The following ACAN variants were observed in gnomAD, a reference collection of about 807,000 sequenced individuals.
ACAN encodes aggrecan, also known as aggrecan core protein.
Under a neutral mutation model 169.1 loss-of-function variants are expected in ACAN, and 47 were observed. That is an observed-to-expected ratio of 0.28 (90% CI 0.22 to 0.35). The LOEUF (loss-of-function observed/expected upper bound fraction) is 0.35. Among genes scored for constraint, ACAN ranks in the 10% least tolerant of loss-of-function variants. The probability of loss-of-function intolerance (pLI) is 1.00; values close to 1 mark genes in which losing one functional copy is unlikely to be tolerated. For missense variants in ACAN, 2,716 were observed against 2,759.9 expected (o/e 0.98, Z 0.36); for synonymous variants, 1,115 against 1,112.2 (o/e 1.00, Z -0.05).
chr15:88,825,675 G>A (rs1017369407), intron 1 of ACAN, among the ~76,000 whole-genome samples: 1 of 152,190 alleles, frequency 6.6e-6, no homozygotes, highest in Non-Finnish European at 1.5e-5. Flanking sequence ...TTACTAGCAG[G>A]GACATAGATC....
rs748852727 is a variant in ACAN at position 88,855,510 on chromosome 15, G to A, written c.2925G>A (p.Gly975=). The change falls in exon 12 of 19, where the codon GGG becomes GGA. Residue 975 remains glycine, a synonymous_variant. Coordinates refer to ENST00000560601, the MANE Select transcript of ACAN (RefSeq NM_001369268.1). ...CCTCTGGAGTAGGAGACCTCAGTGG[G>A]CTTCCTTCTGGAGAAGTTCTAGAGA... ...TSASGVGDLS[G]LPSGEVLETT... The A allele has an allele frequency of 6.2e-7, 1 of 1,613,488 alleles. No individual in the cohort carries two copies. Among genetic ancestry groups the A allele is most frequent in the South Asian group, 1.1e-5 (1 of 91,008 alleles).
Position 88,845,649 on chromosome 15 carries a change from T to G in ACAN, c.1196T>G (p.Leu399Arg). 1.9e-6 allele frequency: 3 copies of G among 1,614,052 alleles called. No individual in the cohort carries two copies. The highest frequency in any genetic ancestry group is 2.5e-6 in the Non-Finnish European group (3 of 1,179,900). Residue 399 changes from leucine (L) to arginine (R), a missense_variant, in exon 7 of 19, where the codon CTT becomes CGT. Leu to Arg is a moderately radical substitution (Grantham distance 102). Coordinates refer to ENST00000560601, the MANE Select transcript of ACAN (RefSeq NM_001369268.1). Reference protein sequence around the residue: ...TEGEARGSVILTVKPIFEVSP... With the variant: ...TEGEARGSVIRTVKPIFEVSP... ...GGTGAAGCCCGAGGCAGCGTGATCC[T>G]TACCGTAAAGCCCATCTTCGAGGTC...
In ACAN at chr15:88,872,788, G is replaced by T. The variant is rs1897412077; in HGVS notation, c.7303-93G>T. On this transcript the variant is annotated intron_variant, in intron 16 of 18. Transcript: ENST00000560601. The surrounding 1 kb of genome is among the most constrained non-coding windows in gnomAD (Gnocchi z 5.4). ...GAAGTTGGTGCTAAAAGAGAAAGGA[G>T]ATGATGAAGAGGCTCCACGGGGAAG... The T allele has an allele frequency of 7.0e-7, 1 of 1,433,378 alleles. No individual in the cohort carries two copies. The highest frequency in any genetic ancestry group is 2.1e-5 in the Admixed American group (1 of 48,072). The allele number at this position is 1,433,378 out of a possible 1,614,324, so 88.8% of individuals were successfully genotyped here.
rs546886907 is a variant in ACAN, at chr15:88,851,028, G to C, written c.2027-766G>C. ...TCCCAGAGGCTTTGATGAGGCTCTT[G>C]TCCCAGTGCCCCTTCCCTGCTCTGG... On this transcript the variant is annotated intron_variant, in intron 10 of 18. Transcript: ENST00000560601. This position sits in a 1 kb window ranked among gnomAD's most constrained non-coding sequence, Gnocchi z 4.3. 1 of 151,586 alleles carries C rather than the reference G, an allele frequency of 6.6e-6. No individual in the cohort carries two copies. Among genetic ancestry groups the C allele is most frequent in the South Asian group, 2.1e-4 (1 of 4,776 alleles). 9.4% of individuals were successfully genotyped at this position (151,586 alleles called of 1,614,324 possible).
chr15:88,817,258 C>T (rs1293329196), intron 1 of ACAN, among the ~76,000 whole-genome samples: 3 of 152,132 alleles, frequency 2.0e-5, no homozygotes, highest in Admixed American at 6.5e-5. Flanking sequence ...TCTTCTGCCT[C>T]GGCCTCCAGA....
chr15:88,828,316 C>T (rs7174219), intron 1 of ACAN, among the ~76,000 whole-genome samples: 97,251 of 151,978 alleles, frequency 0.64, 31,672 homozygotes, highest in Middle Eastern at 0.77. Context: ...AAGACCCATG[C>T]CACATCGGCA....
chr15:88,860,751 C>T (rs1299882589), intron 13 of ACAN, among the ~76,000 whole-genome samples: 4 of 152,158 alleles, frequency 2.6e-5, no homozygotes, highest in East Asian at 1.9e-4. Flanking sequence ...AAAGAAATAT[C>T]GAGCATGGGG....
intron 1 of ACAN, among the ~76,000 whole-genome samples, chr15:88,829,285 G>T (rs1401171893): frequency 6.6e-6 from 1 of 152,222 alleles, no homozygotes; most frequent in African/African-American, 2.4e-5. Context: ...CCCTGGGGGT[G>T]ATGCTTGCAT....
At position 88,872,798 on chromosome 15, in the gene ACAN, A is replaced by C; in HGVS notation, c.7303-83A>C. ...CTAAAAGAGAAAGGAGATGATGAAGAGGCTCCACGGGGAAGACAGTCGGAG... is the reference window on the plus strand; with the variant it reads ...CTAAAAGAGAAAGGAGATGATGAAGCGGCTCCACGGGGAAGACAGTCGGAG... On this transcript the variant is annotated intron_variant, in intron 16 of 18. Transcript: ENST00000560601. The surrounding 1 kb of genome is among the most constrained non-coding windows in gnomAD (Gnocchi z 5.4). The C allele has an allele frequency of 6.8e-7, 1 of 1,478,700 alleles. No homozygotes were observed. The highest frequency in any genetic ancestry group is 1.3e-5 in the South Asian group (1 of 77,464). 91.6% of individuals were successfully genotyped at this position (1,478,700 alleles called of 1,614,324 possible).
In ACAN at chr15:88,833,495, G is replaced by A. The variant is rs578101412; in HGVS notation, c.-7-2705G>A. Among the ~76,000 whole-genome samples, 13 of 152,162 alleles carry A rather than the reference G, an allele frequency of 8.5e-5. No homozygotes were observed. The South Asian group carries it at 1.2e-3, about 15-fold the overall frequency. On this transcript the variant is annotated intron_variant, in intron 1 of 18. Transcript: ENST00000560601. ...GAAAGGCCTCCCTGTTGACAGGGCCGTGCTGGGACTCAGGGCTGCCAAAGT... is the reference window on the plus strand; with the variant it reads ...GAAAGGCCTCCCTGTTGACAGGGCCATGCTGGGACTCAGGGCTGCCAAAGT...
Position 88,839,945 on chromosome 15 carries a change from G to T in ACAN, c.455-67G>T. 11 of 1,535,380 alleles carry T rather than the reference G, an allele frequency of 7.2e-6. No homozygotes were observed. The highest frequency in any genetic ancestry group is 9.7e-6 in the Non-Finnish European group (11 of 1,133,068). On this transcript the variant is annotated intron_variant, in intron 3 of 18. Coordinates refer to ENST00000560601, the MANE Select transcript of ACAN (RefSeq NM_001369268.1). This position sits in a 1 kb window ranked among gnomAD's most constrained non-coding sequence, Gnocchi z 4.5. Reference sequence around the variant, plus strand: ...TTTGACTATTGCCATAATTCTGCGAGGGCCTCGGTGATCAGAGACTGTGCC... The same window carrying T: ...TTTGACTATTGCCATAATTCTGCGATGGCCTCGGTGATCAGAGACTGTGCC...
chr15:88,859,387 T>C lies in ACAN; in HGVS notation c.6802T>C (p.Trp2268Arg). The change falls in exon 12 of 19, where the codon TGG becomes CGG. Residue 2268 changes from tryptophan (W) to arginine (R), a missense_variant. Trp to Arg is a moderately radical substitution (Grantham distance 101, BLOSUM62 -3). Around this residue, in one of 3 missense-constraint regions of ACAN, gnomAD observed 1,389 missense variants for 1,363.7 expected, o/e 1.02. Coordinates refer to ENST00000560601, the MANE Select transcript of ACAN (RefSeq NM_001369268.1). ...TGCTTCCATCCCAGCTTCTCCGGAA[T>C]GGAAACGTGAATCAGAATCAACTGC... ...TDASIPASPEWKRESESTAAA... is the reference protein window; with the variant it reads ...TDASIPASPERKRESESTAAA... 1 of 1,566,680 alleles carries C rather than the reference T, an allele frequency of 6.4e-7. No homozygotes were observed. Among genetic ancestry groups the C allele is most frequent in the South Asian group, 1.2e-5 (1 of 85,534 alleles).
chr15:88,860,834 G>A (rs895599929), intron 13 of ACAN, among the ~76,000 whole-genome samples: 2 of 152,230 alleles, frequency 1.3e-5, no homozygotes, highest in South Asian at 2.1e-4. Flanking sequence ...ATCTTGTATC[G>A]TGCAGAGTGA....
intron 1 of ACAN, among the ~76,000 whole-genome samples, chr15:88,805,468 C>G (rs1895655358): frequency 6.6e-6 from 1 of 152,230 alleles, no homozygotes; most frequent in African/African-American, 2.4e-5. Flanking sequence ...TGGAGAGATG[C>G]TGGAATTCCA....
rs1331259297 is a variant in ACAN at position 88,857,359 on chromosome 15, G to A, written c.4774G>A (p.Gly1592Arg). 6.2e-7 allele frequency: 1 copy of A among 1,613,922 alleles called. No individual in the cohort carries two copies. Among genetic ancestry groups the A allele is most frequent in the Admixed American group, 1.7e-5 (1 of 60,026 alleles). ...GAEDLSGLPS[G>R]KEDLVGSASG... ...TGAGGACCTCAGTGGGTTGCCTTCTGGAAAAGAAGACTTGGTGGGGTCAGC... is the reference window on the plus strand; with the variant it reads ...TGAGGACCTCAGTGGGTTGCCTTCTAGAAAAGAAGACTTGGTGGGGTCAGC... Residue 1592 changes from glycine to arginine, a missense_variant, in exon 12 of 19, where the codon GGA (glycine) becomes AGA (arginine). By Grantham distance (125) the Gly-to-Arg change is moderately radical (BLOSUM62 -2). Transcript: ENST00000560601.
intron 1 of ACAN, among the ~76,000 whole-genome samples, chr15:88,816,955 G>A (rs912276592): frequency 6.6e-6 from 1 of 152,114 alleles, no homozygotes; most frequent in Non-Finnish European, 1.5e-5. Context: ...ATTCTCAAGA[G>A]TTTTAACACA....
In ACAN at chr15:88,840,271, GCA is replaced by G. The variant is rs367755484; in HGVS notation, c.629+87_629+88del. On this transcript the variant is annotated intron_variant, in intron 4 of 18. Transcript: ENST00000560601. ...CGGGTGCTGGGTGGAACGTTGGCCA[GCA>G]CTGAGCTGGTGCCAGCATGACACTG... 149 of 1,438,134 alleles carry G rather than the reference GCA, an allele frequency of 1.0e-4. No individual in the cohort carries two copies. In the African/African-American group the frequency reaches 1.7e-3, roughly 17 times the overall value. 89.1% of individuals were successfully genotyped at this position (1,438,134 alleles called of 1,614,324 possible). A position where few individuals can be genotyped will look rare whatever the true frequency, so the allele number is the denominator to read the frequency against.
chr15:88,861,378 G>A lies in ACAN; in HGVS notation c.6946+939G>A, dbSNP rs558029900. On this transcript the variant is annotated intron_variant, in intron 13 of 18. Coordinates refer to ENST00000560601, the MANE Select transcript of ACAN (RefSeq NM_001369268.1). The surrounding 1 kb of genome is among the most constrained non-coding windows in gnomAD (Gnocchi z 6.3). Reference sequence around the variant, plus strand: ...CTGGAGAAAAAACAATCACTTCCACGTAAACCTCATGTCGGGCAATTATCC... The same window carrying A: ...CTGGAGAAAAAACAATCACTTCCACATAAACCTCATGTCGGGCAATTATCC... Among the ~76,000 whole-genome samples, 29 of 152,090 alleles carry A rather than the reference G, an allele frequency of 1.9e-4. No homozygotes were observed. In the South Asian group the frequency reaches 2.5e-3, roughly 13 times the overall value.
chr15:88,845,079 A>T (rs1258189062), intron 6 of ACAN, among the ~76,000 whole-genome samples: 1 of 152,178 alleles, frequency 6.6e-6, no homozygotes, highest in Admixed American at 6.5e-5. Flanking sequence ...CATCAACTTC[A>T]CAAACTGCAC....
Sources: gnomAD v4.1 joint callset for allele counts (sites outside exome capture counted in the v4.1 genomes callset) on GRCh38, gnomAD v4.1.1 for gene constraint, gnomAD v4.1.1 regional missense constraint, Gnocchi (gnomAD v3.1) non-coding constraint, MANE v1.5 for transcripts, NCBI Gene and HGNC (gene_info 2026-07-23, HGNC 2026-07-21) for gene names.